Variants in FSTL4 observed in about 807,000 individuals in gnomAD.
The protein encoded by FSTL4 is follistatin-related protein 4.
FSTL4 carries 28 observed loss-of-function variants against 78.2 expected under a neutral mutation model. The observed-to-expected ratio is 0.36, with a 90% confidence interval of 0.27 to 0.49. The LOEUF (loss-of-function observed/expected upper bound fraction) is 0.49, where lower values mean the gene tolerates loss of function less well. Among genes scored for constraint, FSTL4 ranks in the 20% least tolerant of loss-of-function variants. The pLI is 0.98. For synonymous variants in FSTL4, 422 were observed against 440.5 expected, an observed-to-expected ratio of 0.96 and a Z score of 0.53; for missense variants, 922 against 1,084.9, an observed-to-expected ratio of 0.85 and a Z score of 2.11.
chr5:133,222,244 A>G (rs1387018514), intron 11 of FSTL4, among the ~76,000 whole-genome samples: 1 of 152,254 alleles, frequency 6.6e-6, no homozygotes, highest in East Asian at 1.9e-4. Context: ...GGGAGTATCC[A>G]GCATAGCTCT....
intron 3 of FSTL4, among the ~76,000 whole-genome samples, chr5:133,535,815 T>C (rs1405079811): frequency 6.6e-6 from 1 of 152,106 alleles, no homozygotes; most frequent in Non-Finnish European, 1.5e-5. Context: ...GGGATAGAAA[T>C]TGGGTTAGAA....
At chr5:133,359,878 C>G (rs1755032441) in intron 4 of FSTL4, among the ~76,000 whole-genome samples, 1 of 152,184 alleles carries the variant, frequency 6.6e-6, no homozygotes, top group East Asian at 1.9e-4. Context: ...TCCCGGGGAG[C>G]CAAGGAGGCC....
intron 14 of FSTL4, among the ~76,000 whole-genome samples, chr5:133,206,401 G>A (rs2126765713): frequency 6.6e-6 from 1 of 152,246 alleles, no homozygotes; most frequent in East Asian, 1.9e-4. Flanking sequence ...TGTCACCCAG[G>A]CTGGAATGCA....
At chr5:133,729,604 A>C in the FSTL4 span, among the ~76,000 whole-genome samples, 1 of 152,148 alleles carries the variant, frequency 6.6e-6, no homozygotes, top group African/African-American at 2.4e-5. Flanking sequence ...TAGTTACTGC[A>C]TTTAACTTCA....
intron 3 of FSTL4, among the ~76,000 whole-genome samples, chr5:133,466,352 C>T (rs1292494229): frequency 6.6e-6 from 1 of 152,082 alleles, no homozygotes; most frequent in Non-Finnish European, 1.5e-5. Context: ...ACCATTCTGG[C>T]TAACACGGTG....
intron 6 of FSTL4, among the ~76,000 whole-genome samples, chr5:133,286,722 C>T (rs1753138208): frequency 6.6e-6 from 1 of 152,124 alleles, no homozygotes; most frequent in Non-Finnish European, 1.5e-5. Context: ...CTGAGCTGGC[C>T]CACAGTGGAC....
the FSTL4 span, among the ~76,000 whole-genome samples, chr5:133,825,278 C>G: frequency 6.6e-6 from 1 of 152,184 alleles, no homozygotes; most frequent in Non-Finnish European, 1.5e-5. Flanking sequence ...CCTGCCAATC[C>G]TATGCTCAAA....
At chr5:133,230,746 T>C (rs1751469374) in intron 8 of FSTL4, among the ~76,000 whole-genome samples, 1 of 152,122 alleles carries the variant, frequency 6.6e-6, no homozygotes, top group Admixed American at 6.5e-5. Context: ...CTGCGCCTTA[T>C]CCCAGATCAT....
At chr5:133,350,875 C>A (rs1288133967) in intron 4 of FSTL4, among the ~76,000 whole-genome samples, 1 of 152,184 alleles carries the variant, frequency 6.6e-6, no homozygotes, top group East Asian at 1.9e-4. Context: ...GGAAATTTCA[C>A]ATAACACTTC....
chr5:133,794,449 T>G, the FSTL4 span, among the ~76,000 whole-genome samples: 43 of 152,156 alleles, frequency 2.8e-4, no homozygotes, highest in African/African-American at 9.9e-4. Context: ...CAGCAGCAAC[T>G]CTATGGGCAG....
In FSTL4 at chr5:133,210,257, G is replaced by C; in HGVS notation, c.1650C>G (p.Asp550Glu). The C allele has an allele frequency of 6.2e-7, 1 of 1,612,340 alleles. No homozygotes were observed. Among genetic ancestry groups the C allele is most frequent in the Non-Finnish European group, 8.5e-7 (1 of 1,178,566 alleles). ...VDPLPAKLSY[D>E]KSHDQVWVLS... ...GGACCCACACTTGGTCATGTGACTT[G>C]TCATAGGACAGCTTAGCCGGCAGAG... The change falls in exon 14 of 16, where the codon GAC becomes GAG. Residue 550 changes from aspartate (D) to glutamate (E), a missense_variant. By Grantham distance (45) the Asp-to-Glu change is conservative (BLOSUM62 2). Transcript: ENST00000265342.
At chr5:133,427,101 T>G (rs1756836066) in intron 3 of FSTL4, among the ~76,000 whole-genome samples, 1 of 152,152 alleles carries the variant, frequency 6.6e-6, no homozygotes, top group African/African-American at 2.4e-5. Flanking sequence ...ACACAGGCTC[T>G]GGAGTCAGGC....
intron 6 of FSTL4, among the ~76,000 whole-genome samples, chr5:133,293,531 A>C (rs1055599039): frequency 6.6e-6 from 1 of 152,138 alleles, no homozygotes; most frequent in Non-Finnish European, 1.5e-5. Flanking sequence ...TACATTTCCC[A>C]GCTCTTCCTG....
At chr5:133,634,238 C>T in the FSTL4 span, among the ~76,000 whole-genome samples, 8 of 152,244 alleles carry the variant, frequency 5.3e-5, no homozygotes, top group East Asian at 1.5e-3. Flanking sequence ...AGGATCCCTA[C>T]TTGGCCTTTG....
chr5:133,440,588 C>G lies in FSTL4; in HGVS notation c.161-39602G>C, dbSNP rs186974857. Among the ~76,000 whole-genome samples the G allele has an allele frequency of 3.9e-5, 6 of 152,306 alleles. No individual in the cohort carries two copies. Among genetic ancestry groups the G allele is most frequent in the African/African-American group, 1.4e-4 (6 of 41,570 alleles). On this transcript the variant is annotated intron_variant, in intron 3 of 15. Transcript: ENST00000265342. This position sits in a 1 kb window ranked among gnomAD's most constrained non-coding sequence, Gnocchi z 4.1. ...CCCAGGATGGATGTGCCAAGGAGGG[C>G]TAATAGTTTTCCATGGAGCTGGGTC... is the stretch of plus-strand genomic sequence containing the variant.
chr5:133,632,892 T>C, the FSTL4 span, among the ~76,000 whole-genome samples: 1 of 152,164 alleles, frequency 6.6e-6, no homozygotes, highest in Non-Finnish European at 1.5e-5. Flanking sequence ...TTTCACTATG[T>C]TGCCCAGGCT....
At chr5:133,802,897 C>G in the FSTL4 span, among the ~76,000 whole-genome samples, 1 of 152,168 alleles carries the variant, frequency 6.6e-6, no homozygotes, top group African/African-American at 2.4e-5. Context: ...CACAACTTAG[C>G]AAGGCGTCTC....
chr5:133,398,243 A>G (rs1327449298), intron 4 of FSTL4, among the ~76,000 whole-genome samples: 4 of 152,110 alleles, frequency 2.6e-5, no homozygotes, highest in Non-Finnish European at 2.9e-5. Flanking sequence ...TCCCTATGGG[A>G]ATGATCGAGG....
chr5:133,362,451 G>C (rs1755092115), intron 4 of FSTL4, among the ~76,000 whole-genome samples: 1 of 152,232 alleles, frequency 6.6e-6, no homozygotes, highest in Non-Finnish European at 1.5e-5. Context: ...TTTGGCAGTG[G>C]AACCCAGTCA....
Sources: allele counts gnomAD v4.1 joint callset (sites outside exome capture counted in the v4.1 genomes callset), GRCh38; gene constraint gnomAD v4.1.1; non-coding constraint Gnocchi (gnomAD v3.1); transcripts MANE v1.5; gene names NCBI Gene and HGNC (gene_info 2026-07-23, HGNC 2026-07-21).